Variants in PIH1D2 observed in about 807,000 individuals in gnomAD.
PIH1D2 encodes PIH1 domain-containing protein 2.
In PIH1D2, 25 loss-of-function variants were observed where a neutral mutation model predicts 31.2. That is an observed-to-expected ratio of 0.80 (90% CI 0.58 to 1.12). The LOEUF is 1.12. Ranked by LOEUF, PIH1D2 falls within the 50% of genes most tolerant of loss-of-function variation. The probability of loss-of-function intolerance (pLI) is 0.00; values close to 1 mark genes in which losing one functional copy is unlikely to be tolerated. For missense variants in PIH1D2, 310 were observed against 356.6 expected, an observed-to-expected ratio of 0.87 and a Z score of 1.05; for synonymous variants, 116 against 119.9, an observed-to-expected ratio of 0.97 and a Z score of 0.21.
At chr11:112,064,842 ATT>A (rs11412850), downstream of PIH1D2, among the ~76,000 whole-genome samples, 44 of 134,904 alleles carry the variant, frequency 3.3e-4, no homozygotes, top group African/African-American at 6.8e-4. Context: ...TGGTCTCCAA[ATT>A]TTTTTTTTTT....
At chr11:112,059,997 AT>A (rs1555183017), downstream of PIH1D2, 1 of 1,614,048 alleles carries the variant, frequency 6.2e-7, no homozygotes, top group Non-Finnish European at 8.5e-7. Flanking sequence ...AGTGGAAACC[AT>A]TGCTAATGAT....
At chr11:112,055,613 A>T in the PIH1D2 span, among the ~76,000 whole-genome samples, 1 of 151,952 alleles carries the variant, frequency 6.6e-6, no homozygotes, top group African/African-American at 2.4e-5. Flanking sequence ...AGCCACTGTT[A>T]CTGAACATAC....
the PIH1D2 span, among the ~76,000 whole-genome samples, chr11:112,055,747 T>C: frequency 1.3e-5 from 2 of 151,540 alleles, no homozygotes; most frequent in Admixed American, 1.3e-4. Flanking sequence ...AAGGAATTTA[T>C]ATTCCTTAAA....
At chr11:112,066,615 G>A (rs1159951783), downstream of PIH1D2, among the ~76,000 whole-genome samples, 1 of 145,786 alleles carries the variant, frequency 6.9e-6, no homozygotes, top group African/African-American at 2.6e-5. Flanking sequence ...TCCAGCTTGG[G>A]CAACAAAGCA....
chr11:112,067,797 C>T (rs2433171), downstream of PIH1D2: 2 of 1,550,934 alleles, frequency 1.3e-6, no homozygotes, highest in Non-Finnish European at 1.7e-6. Flanking sequence ...ACTACTACCT[C>T]TTTAGCCAAA....
downstream of PIH1D2, chr11:112,064,470 A>G (rs1555183648): frequency 1.2e-5 from 5 of 426,502 alleles, no homozygotes; most frequent in Non-Finnish European, 2.1e-5. Flanking sequence ...CCATGTATGT[A>G]TAAGCTCTCA....
intron 5 of PIH1D2, among the ~76,000 whole-genome samples, chr11:112,068,973 A>AT (rs1159827826): frequency 2.7e-4 from 36 of 134,416 alleles, no homozygotes; most frequent in African/African-American, 8.5e-4. Context: ...AAACCTCTGA[A>AT]TTTTTTTTGT....
chr11:112,062,546 A>T (rs782549140), downstream of PIH1D2: 1 of 1,612,122 alleles, frequency 6.2e-7, no homozygotes, highest in South Asian at 1.1e-5. Context: ...CTAACTCAAG[A>T]ATTTCTAAAC....
downstream of PIH1D2, among the ~76,000 whole-genome samples, chr11:112,058,616 A>AGGGGGGGGGTGGGGGAAG (rs587768977): frequency 1.7e-5 from 1 of 59,014 alleles, no homozygotes; most frequent in Non-Finnish European, 3.0e-5. Flanking sequence ...GGGTGGGGGA[A>AGGGGGGGGGTGGGGGAAG]GGGGGGGGTG....
chr11:112,066,090 G>T (rs1864916659), downstream of PIH1D2, among the ~76,000 whole-genome samples: 1 of 152,132 alleles, frequency 6.6e-6, no homozygotes, highest in South Asian at 2.1e-4. Context: ...TTTAAAAGTA[G>T]TAAGAACTTT....
chr11:112,067,577 G>A (rs1864961742), downstream of PIH1D2, among the ~76,000 whole-genome samples: 1 of 143,910 alleles, frequency 6.9e-6, no homozygotes, highest in Admixed American at 7.1e-5. Context: ...AGGCAGAATC[G>A]CTTGAGCCCA....
downstream of PIH1D2, among the ~76,000 whole-genome samples, chr11:112,064,758 C>G (rs1006717154): frequency 3.3e-5 from 5 of 151,422 alleles, no homozygotes; most frequent in African/African-American, 9.7e-5. Context: ...GTGTAATGCA[C>G]AAGTCCTGGA....
rs1345863009 is a variant in PIH1D2, at chr11:112,072,874, C to G, written c.177+124G>C. On this transcript the variant is annotated intron_variant, in intron 2 of 5. Transcript: ENST00000280350. ...TAAGACTCTGTCTCAAAAAACAAAA[C>G]AAAACAAAACAAAACAAAAAAAAAA... The G allele has an allele frequency of 4.8e-6, 5 of 1,041,898 alleles. No homozygotes were observed. The East Asian group carries it at 1.4e-4, about 29-fold the overall frequency. The allele number at this position is 1,041,898 out of a possible 1,614,324, so 64.5% of individuals were successfully genotyped here. A position where few individuals can be genotyped will look rare whatever the true frequency, so the allele number is the denominator to read the frequency against.
the PIH1D2 span, among the ~76,000 whole-genome samples, chr11:112,052,578 G>C: frequency 3.0e-4 from 46 of 152,272 alleles, no homozygotes; most frequent in African/African-American, 1.1e-3. Flanking sequence ...TTTGAGGTGG[G>C]GTGGTGCAGA....
chr11:112,058,955 T>C (rs1864329894), downstream of PIH1D2, among the ~76,000 whole-genome samples: 2 of 151,830 alleles, frequency 1.3e-5, no homozygotes, highest in African/African-American at 2.4e-5. Context: ...GTATTTTCAG[T>C]GTTAAAAAGG....
downstream of PIH1D2, chr11:112,067,701 T>A (rs1488669316): frequency 3.2e-4 from 42 of 130,450 alleles, no homozygotes; most frequent in African/African-American, 6.3e-4. Flanking sequence ...TATATATATA[T>A]ATATATATAT....
downstream of PIH1D2, among the ~76,000 whole-genome samples, chr11:112,060,662 CA>C (rs1864540096): frequency 6.6e-6 from 1 of 152,000 alleles, no homozygotes; most frequent in Non-Finnish European, 1.5e-5. Context: ...GTCGGGGTTT[CA>C]CCATGTTGGC....
In PIH1D2 at chr11:112,073,105, G is replaced by A. The variant is rs781789623; in HGVS notation, c.70C>T (p.Gln24Ter). The A allele has an allele frequency of 4.3e-6, 7 of 1,613,978 alleles. No homozygotes were observed. In the African/African-American group the frequency reaches 6.7e-5, roughly 15 times the overall value. ...TTCTCATAGCCCTCAGGGTCACTCTGAGCTAGATCATCTAGGAGGTTCCAA... is the reference window on the plus strand; with the variant it reads ...TTCTCATAGCCCTCAGGGTCACTCTAAGCTAGATCATCTAGGAGGTTCCAA... ...QFWNLLDDLAQSDPEGYEKFI... is the reference protein window; with the variant it reads ...QFWNLLDDLA Residue 24 changes from glutamine to a stop codon, truncating the protein, a stop_gained, in exon 2 of 6, where the codon CAG becomes TAG. Coordinates refer to ENST00000280350, the MANE Select transcript of PIH1D2 (RefSeq NM_138789.4). LOFTEE classifies it high-confidence loss of function.
chr11:112,057,043 T>C, the PIH1D2 span, among the ~76,000 whole-genome samples: 11 of 152,214 alleles, frequency 7.2e-5, no homozygotes, highest in Admixed American at 6.5e-4. Flanking sequence ...CAAACTTTAT[T>C]ATTGTATCTG....
Sources: gnomAD v4.1 joint callset for allele counts (sites outside exome capture counted in the v4.1 genomes callset) on GRCh38, gnomAD v4.1.1 for gene constraint, MANE v1.5 for transcripts, NCBI Gene and HGNC (gene_info 2026-07-23, HGNC 2026-07-21) for gene names.